Variants in IQCM observed in about 807,000 individuals in gnomAD.
The protein encoded by IQCM is IQ motif containing M.
IQCM carries 45 observed loss-of-function variants against 57.6 expected under a neutral mutation model. The observed-to-expected ratio is 0.78, with a 90% CI of 0.62 to 1.00. IQCM has a LOEUF of 1.00. Ranked by LOEUF, IQCM falls within the 50% of genes least tolerant of loss-of-function variation. The pLI, the probability that IQCM is intolerant of heterozygous loss-of-function variation, is 0.00. For missense variants in IQCM, 468 were observed against 511.6 expected (o/e 0.91, Z 0.82); for synonymous variants, 148 against 158.9 (o/e 0.93, Z 0.51).
At chr4:149,806,577 G>A (rs974332311) in intron 2 of IQCM, among the ~76,000 whole-genome samples, 2 of 151,954 alleles carry the variant, frequency 1.3e-5, no homozygotes, top group Admixed American at 1.3e-4. Flanking sequence ...AGGAACAGGT[G>A]ATATTTGTCT....
At chr4:149,538,733 A>ACCT (rs1314015665) in intron 12 of IQCM, among the ~76,000 whole-genome samples, 1 of 151,806 alleles carries the variant, frequency 6.6e-6, no homozygotes, top group Non-Finnish European at 1.5e-5. Context: ...TAGAAGAAAA[A>ACCT]CCTTTATCTT....
intron 12 of IQCM, among the ~76,000 whole-genome samples, chr4:149,465,973 A>G (rs1738819388): frequency 6.6e-6 from 1 of 152,158 alleles, no homozygotes; most frequent in Non-Finnish European, 1.5e-5. Flanking sequence ...AGAGAAGTGC[A>G]TATTGAAACA....
intron 5 of IQCM, among the ~76,000 whole-genome samples, chr4:149,714,229 C>T (rs547278937): frequency 1.3e-5 from 2 of 152,262 alleles, no homozygotes; most frequent in South Asian, 4.1e-4. Context: ...CTGCACATCT[C>T]AGTCTCCCAT....
chr4:149,621,260 A>G lies in IQCM; in HGVS notation c.566-16T>C, dbSNP rs192015132. ...AATGCTTTGTCTGTTAGAAATATCA[A>G]TGCAGGTTAAAACAATATCTATCCA... is the stretch of plus-strand genomic sequence containing the variant. On this transcript the variant is annotated splice_polypyrimidine_tract_variant and intron_variant, in intron 7 of 13. Coordinates refer to ENST00000636793, the MANE Select transcript of IQCM (RefSeq NM_001363507.2). The G allele has an allele frequency of 4.3e-6, 5 of 1,150,354 alleles. No homozygotes were observed. Among genetic ancestry groups the G allele is most frequent in the East Asian group, 6.4e-5 (2 of 31,332 alleles). The allele number at this position is 1,150,354 out of a possible 1,614,324, so 71.3% of individuals were successfully genotyped here. A position where few individuals can be genotyped will look rare whatever the true frequency, so the allele number is the denominator to read the frequency against.
At chr4:149,792,578 G>A (rs1184746952) in intron 2 of IQCM, among the ~76,000 whole-genome samples, 1 of 152,070 alleles carries the variant, frequency 6.6e-6, no homozygotes, top group Non-Finnish European at 1.5e-5. Flanking sequence ...TTTCTGTCCA[G>A]TCATTTCCAA....
At chr4:149,735,947 CTTT>C (rs142987177) in intron 3 of IQCM, among the ~76,000 whole-genome samples, 2 of 139,838 alleles carry the variant, frequency 1.4e-5, no homozygotes, top group Non-Finnish European at 1.6e-5. Context: ...TTTCTTTCGA[CTTT>C]TTTTTTTTTT....
At chr4:149,662,560 G>A (rs933634238) in intron 7 of IQCM, among the ~76,000 whole-genome samples, 2 of 151,888 alleles carry the variant, frequency 1.3e-5, no homozygotes, top group Non-Finnish European at 2.9e-5. Flanking sequence ...CACTTTAGAT[G>A]TAATAATATT....
intron 12 of IQCM, among the ~76,000 whole-genome samples, chr4:149,449,013 A>G (rs1736801355): frequency 6.6e-6 from 1 of 151,784 alleles, no homozygotes; most frequent in Non-Finnish European, 1.5e-5. Context: ...AGGCAAATAT[A>G]TTCCAAGAGA....
intron 2 of IQCM, among the ~76,000 whole-genome samples, chr4:149,765,118 A>T (rs980041501): frequency 2.0e-5 from 3 of 152,116 alleles, no homozygotes; most frequent in African/African-American, 7.2e-5. Context: ...TTTATGAACT[A>T]TCCTTGAAAA....
chr4:149,556,719 T>C (rs923944700), intron 10 of IQCM, among the ~76,000 whole-genome samples: 11 of 152,292 alleles, frequency 7.2e-5, no homozygotes, highest in Middle Eastern at 6.8e-3. Flanking sequence ...CTTACAAATA[T>C]ACAAGCCACA....
chr4:149,744,294 A>T (rs1039013781), intron 2 of IQCM, among the ~76,000 whole-genome samples: 4 of 152,188 alleles, frequency 2.6e-5, no homozygotes, highest in African/African-American at 9.7e-5. Context: ...GATAAATTAA[A>T]ATACTGCATC....
chr4:149,570,000 A>G (rs1751005149), intron 9 of IQCM, among the ~76,000 whole-genome samples: 2 of 152,072 alleles, frequency 1.3e-5, no homozygotes, highest in African/African-American at 4.8e-5. Context: ...TTTAAATAGT[A>G]TATAAATGGT....
intron 7 of IQCM, among the ~76,000 whole-genome samples, chr4:149,640,305 C>T (rs1324877777): frequency 6.6e-6 from 1 of 152,174 alleles, no homozygotes; most frequent in Non-Finnish European, 1.5e-5. Context: ...TCCAGTTATA[C>T]TCTATTAGTT....
At chr4:149,378,507 T>C (rs555415212) in intron 13 of IQCM, among the ~76,000 whole-genome samples, 1 of 152,234 alleles carries the variant, frequency 6.6e-6, no homozygotes, top group East Asian at 1.9e-4. Flanking sequence ...GGTGACTCAT[T>C]ATATTTTAGC....
At chr4:149,389,752 A>C (rs1731713346) in intron 13 of IQCM, among the ~76,000 whole-genome samples, 1 of 151,488 alleles carries the variant, frequency 6.6e-6, no homozygotes, top group Admixed American at 6.6e-5. Context: ...GATATACCTA[A>C]TGCTAGATGA....
intron 9 of IQCM, among the ~76,000 whole-genome samples, chr4:149,566,482 T>TTG (rs150092712): frequency 5.3e-5 from 8 of 151,138 alleles, no homozygotes; most frequent in South Asian, 4.2e-4. Flanking sequence ...ACTGAAAAGT[T>TTG]TGTGTGTGTG....
intron 12 of IQCM, among the ~76,000 whole-genome samples, chr4:149,547,455 A>G (rs1467381064): frequency 6.6e-6 from 1 of 152,216 alleles, no homozygotes; most frequent in African/African-American, 2.4e-5. Context: ...ATATAAAAGC[A>G]TAGAGTTGGA....
At chr4:149,423,722 A>G (rs182276611) in intron 13 of IQCM, among the ~76,000 whole-genome samples, 192 of 152,130 alleles carry the variant, frequency 1.3e-3, no homozygotes, top group Middle Eastern at 3.4e-3. Context: ...AAACCAATAC[A>G]TGAGAGGGAA....
chr4:149,677,627 C>T (rs1234411374), intron 7 of IQCM, among the ~76,000 whole-genome samples: 1 of 151,992 alleles, frequency 6.6e-6, no homozygotes, highest in East Asian at 1.9e-4. Flanking sequence ...CATAGATGTA[C>T]ATCCACAAGT....
Sources: gnomAD v4.1 joint callset for allele counts (sites outside exome capture counted in the v4.1 genomes callset) on GRCh38, gnomAD v4.1.1 for gene constraint, MANE v1.5 for transcripts, NCBI Gene and HGNC (gene_info 2026-07-23, HGNC 2026-07-21) for gene names.